Variants in CDH23 observed in about 807,000 individuals in gnomAD.
CDH23 encodes the protein cadherin related 23, also known as cadherin-23.
A neutral mutation model predicts 317.1 loss-of-function variants in CDH23; 189 were observed. The observed-to-expected ratio is 0.60, with a 90% confidence interval of 0.53 to 0.67. The LOEUF is 0.67. Ranked by LOEUF, CDH23 falls within the 30% of genes least tolerant of loss-of-function variation. The pLI is 0.00. For synonymous variants in CDH23, 1,839 were observed against 1,876.8 expected (o/e 0.98, Z 0.52); for missense variants, 4,401 against 4,592.4 (o/e 0.96, Z 1.20).
intron 14 of CDH23, among the ~76,000 whole-genome samples, chr10:71,659,980 T>TC (rs398046065): frequency 1.4e-5 from 2 of 145,186 alleles, no homozygotes; most frequent in Non-Finnish European, 3.0e-5. Context: ...TTTTTTTTTT[T>TC]AGACGGAGCC....
chr10:71,633,417 C>T (rs1006751858), intron 11 of CDH23, among the ~76,000 whole-genome samples: 4 of 152,138 alleles, frequency 2.6e-5, no homozygotes, highest in African/African-American at 4.8e-5. Flanking sequence ...TACACATACA[C>T]GCCCCACGCC....
intron 3 of CDH23, among the ~76,000 whole-genome samples, chr10:71,457,113 T>C (rs1850734009): frequency 6.6e-6 from 1 of 152,166 alleles, no homozygotes; most frequent in African/African-American, 2.4e-5. Context: ...ATCTTCATAG[T>C]AGAGGTGGCC....
chr10:71,479,535 T>G (rs1851965456), intron 3 of CDH23, among the ~76,000 whole-genome samples: 1 of 152,202 alleles, frequency 6.6e-6, no homozygotes, highest in Non-Finnish European at 1.5e-5. Context: ...CCAGGAAGGC[T>G]TCCTGCTCCT....
chr10:71,529,338 G>T (rs1313154261), intron 6 of CDH23, among the ~76,000 whole-genome samples: 1 of 152,174 alleles, frequency 6.6e-6, no homozygotes, highest in Non-Finnish European at 1.5e-5. Flanking sequence ...GCAACAGCCA[G>T]TTCTGGAGCA....
Position 71,732,490 on chromosome 10 carries a change from A to G in CDH23, c.4104+115A>G, listed in dbSNP as rs182941962. 22 of 1,453,354 alleles carry G rather than the reference A, an allele frequency of 1.5e-5. No homozygotes were observed. In the Admixed American group the frequency reaches 3.0e-4, roughly 20 times the overall value. 90.0% of individuals were successfully genotyped at this position (1,453,354 alleles called of 1,614,324 possible). On this transcript the variant is annotated intron_variant, in intron 32 of 69. Coordinates refer to ENST00000224721, the MANE Select transcript of CDH23 (RefSeq NM_022124.6). ...TCATAAAATGTCCTTGAGATGGCCA[A>G]GTGTGGTGTTAGGTACCTGTAGTCC...
chr10:71,398,785 C>T (rs889527976), intron 1 of CDH23, among the ~76,000 whole-genome samples: 1 of 152,008 alleles, frequency 6.6e-6, no homozygotes, highest in Non-Finnish European at 1.5e-5. Context: ...CAGAGTGTCT[C>T]GTGGTAGAGG....
intron 3 of CDH23, among the ~76,000 whole-genome samples, chr10:71,492,738 C>T (rs930743887): frequency 1.4e-4 from 21 of 145,568 alleles, no homozygotes; most frequent in African/African-American, 6.0e-4. Context: ...AGAGTTCCTG[C>T]CTTCAGGGCG....
At chr10:71,608,616 G>C (rs1290537641) in intron 9 of CDH23, among the ~76,000 whole-genome samples, 2 of 152,156 alleles carry the variant, frequency 1.3e-5, no homozygotes, top group Non-Finnish European at 2.9e-5. Context: ...AATATATAAT[G>C]AGCGCTGTTC....
At chr10:71,708,886 A>C (rs1865877332) in intron 26 of CDH23, among the ~76,000 whole-genome samples, 1 of 152,196 alleles carries the variant, frequency 6.6e-6, no homozygotes, top group Non-Finnish European at 1.5e-5. Flanking sequence ...GTGCTTCGTG[A>C]AGGTTAGGAA....
At position 71,658,939 on chromosome 10, in the gene CDH23, C is replaced by T. The variant is rs116369805; in HGVS notation, c.1449+12322C>T. Reference sequence around the variant, plus strand: ...CTCCCTGGGTGACCTTGAGCAGGTCCATGGCTGAAGGGGCCTCAGCGTCCT... The same window carrying T: ...CTCCCTGGGTGACCTTGAGCAGGTCTATGGCTGAAGGGGCCTCAGCGTCCT... On this transcript the variant is annotated intron_variant, in intron 14 of 69. Transcript: ENST00000224721. 1.5e-3 allele frequency among the ~76,000 whole-genome samples: 235 copies of T among 152,290 alleles called. 2 individuals are homozygous for T. The highest frequency in any genetic ancestry group is 5.4e-3 in the African/African-American group (226 of 41,556).
intron 30 of CDH23, 36 bp downstream of exon 30, chr10:71,725,556 G>A (rs1028782453): frequency 6.3e-7 from 1 of 1,599,000 alleles, no homozygotes; most frequent in East Asian, 2.3e-5. Context: ...CTGACCTCAG[G>A]ACGGGGCCAA....
intron 10 of CDH23, among the ~76,000 whole-genome samples, chr10:71,615,853 G>A (rs1011338289): frequency 1.3e-5 from 2 of 152,200 alleles, no homozygotes; most frequent in Non-Finnish European, 2.9e-5. Flanking sequence ...ACAACCACAC[G>A]GGTTGGAACT....
chr10:71,567,665 TCG>T (rs2132362479), intron 7 of CDH23, among the ~76,000 whole-genome samples: 1 of 152,302 alleles, frequency 6.6e-6, no homozygotes, highest in Admixed American at 6.5e-5. Context: ...CTCAAGAACA[TCG>T]CAGCATGCCC....
chr10:71,788,690 C>T (rs191978469), intron 44 of CDH23, among the ~76,000 whole-genome samples: 42 of 151,700 alleles, frequency 2.8e-4, no homozygotes, highest in African/African-American at 9.4e-4. Flanking sequence ...CTCCTGACCT[C>T]GTGATCTGCC....
Position 71,725,434 on chromosome 10 carries a change from C to T in CDH23, c.3493C>T (p.Pro1165Ser), listed in dbSNP as rs373622821. ...TGGGCTCCTGATGCGAGGGCCCCGG[C>T]CCCTGGACCGGGAGCGGAACTCATC... ...SNGLLMRGPR[P>S]LDRERNSSHV... The change falls in exon 30 of 70, where the codon CCC (proline) becomes TCC (serine). Residue 1165 changes from proline (P) to serine (S), a missense_variant. Around this residue, in one of 3 missense-constraint regions of CDH23, gnomAD observed 3,068 missense variants for 3,203.3 expected, o/e 0.96. Transcript: ENST00000224721. The T allele has an allele frequency of 2.2e-5, 36 of 1,613,904 alleles. No homozygotes were observed. Among genetic ancestry groups the T allele is most frequent in the Non-Finnish European group, 3.0e-5 (35 of 1,179,880 alleles).
intron 48 of CDH23, among the ~76,000 whole-genome samples, chr10:71,793,912 C>T (rs1371896055): frequency 6.6e-6 from 1 of 152,180 alleles, no homozygotes; most frequent in Non-Finnish European, 1.5e-5. Flanking sequence ...TATCTCACCA[C>T]ATCATGCCAG....
chr10:71,561,132 CT>C (rs1196361550), intron 6 of CDH23, among the ~76,000 whole-genome samples: 5 of 152,026 alleles, frequency 3.3e-5, no homozygotes, highest in African/African-American at 4.8e-5. Context: ...TAGAATGTCT[CT>C]TTTTTTTCCT....
intron 9 of CDH23, among the ~76,000 whole-genome samples, chr10:71,613,195 A>C (rs188426695): frequency 9.9e-4 from 151 of 152,346 alleles, no homozygotes; most frequent in African/African-American, 3.5e-3. Flanking sequence ...GAATGAATGA[A>C]CAGATGAAAA....
intron 9 of CDH23, among the ~76,000 whole-genome samples, chr10:71,599,570 G>A (rs1476180829): frequency 6.6e-6 from 1 of 152,160 alleles, no homozygotes; most frequent in East Asian, 1.9e-4. Context: ...GCAAAATTTT[G>A]ATGATTGTTG....
Sources: allele counts gnomAD v4.1 joint callset (sites outside exome capture counted in the v4.1 genomes callset), GRCh38; gene constraint gnomAD v4.1.1; regional missense constraint gnomAD v4.1.1; transcripts MANE v1.5; gene names NCBI Gene and HGNC (gene_info 2026-07-23, HGNC 2026-07-21).